Variants in RANBP2 observed in about 807,000 individuals in gnomAD.
RANBP2 encodes the protein E3 SUMO-protein ligase RanBP2.
RANBP2 carries 57 observed loss-of-function variants against 303.6 expected under a neutral mutation model. That is an observed-to-expected ratio of 0.19 (90% confidence interval 0.15 to 0.23). The LOEUF (loss-of-function observed/expected upper bound fraction) is 0.23, where lower values mean the gene tolerates loss of function less well. Ranked by LOEUF, RANBP2 falls within the 10% of genes least tolerant of loss-of-function variation. The pLI is 1.00. For missense variants in RANBP2, 3,138 were observed against 3,780.8 expected (o/e 0.83, Z 4.46); for synonymous variants, 1,167 against 1,301.5 (o/e 0.90, Z 2.23).
chr2:109,729,092 C>T, the RANBP2 span, among the ~76,000 whole-genome samples: 2 of 152,188 alleles, frequency 1.3e-5, no homozygotes, highest in African/African-American at 4.8e-5. Context: ...TAGCTGCTGA[C>T]ATTGCAAGAG....
chr2:109,445,711 C>T, the RANBP2 span, among the ~76,000 whole-genome samples: 1 of 151,782 alleles, frequency 6.6e-6, no homozygotes, highest in Non-Finnish European at 1.5e-5. Context: ...CTGGTGGGAC[C>T]CAGAGTCCTT....
chr2:109,704,688 A>G, the RANBP2 span, among the ~76,000 whole-genome samples: 1 of 151,924 alleles, frequency 6.6e-6, no homozygotes, highest in South Asian at 2.1e-4. Flanking sequence ...CGTCTCTACT[A>G]AAAAATACAA....
chr2:109,616,357 G>T, the RANBP2 span: 1 of 255,134 alleles, frequency 3.9e-6, no homozygotes, highest in Non-Finnish European at 7.8e-6. Context: ...CAGAATGAAT[G>T]AATTAATGAA....
the RANBP2 span, among the ~76,000 whole-genome samples, chr2:109,113,625 T>C: frequency 6.6e-6 from 1 of 152,366 alleles, no homozygotes; most frequent in East Asian, 1.9e-4. Context: ...ATACCCTTTA[T>C]TTCCTTCTCC....
the RANBP2 span, among the ~76,000 whole-genome samples, chr2:109,241,287 T>C: frequency 6.6e-6 from 1 of 151,306 alleles, no homozygotes; most frequent in Admixed American, 6.6e-5. Flanking sequence ...ACAAATTCAT[T>C]TGTAGTAATG....
the RANBP2 span, among the ~76,000 whole-genome samples, chr2:109,174,317 CAT>C: frequency 4.6e-5 from 7 of 152,218 alleles, no homozygotes; most frequent in African/African-American, 1.4e-4. Context: ...GAGGAACAGA[CAT>C]GTGGGGATGC....
At chr2:108,752,890 A>G in intron 12 of RANBP2, 108 bp from the exon 13 acceptor site, 1 of 1,600,146 alleles carries the variant, frequency 6.2e-7, no homozygotes, top group Non-Finnish European at 8.5e-7. Context: ...TTGAGATACC[A>G]TTTGGTTTTG....
chr2:108,794,524 GTTA>G, the RANBP2 span: 1 of 1,586,370 alleles, frequency 6.3e-7, no homozygotes, highest in Non-Finnish European at 8.6e-7. Flanking sequence ...TAATGCAAAT[GTTA>G]TTTTCTTTGC....
the RANBP2 span, among the ~76,000 whole-genome samples, chr2:108,962,443 G>A: frequency 6.6e-6 from 1 of 152,080 alleles, no homozygotes; most frequent in Admixed American, 6.6e-5. Context: ...GGAGGCCGAG[G>A]CTGGTGGATC....
the RANBP2 span, among the ~76,000 whole-genome samples, chr2:109,471,074 G>A: frequency 6.6e-6 from 1 of 151,982 alleles, no homozygotes; most frequent in Non-Finnish European, 1.5e-5. Flanking sequence ...ACAAAAATTA[G>A]TTGGGTGTGT....
the RANBP2 span, among the ~76,000 whole-genome samples, chr2:109,290,974 A>T: frequency 6.6e-6 from 1 of 152,242 alleles, no homozygotes; most frequent in African/African-American, 2.4e-5. Flanking sequence ...TGCCGGGTAC[A>T]TAGTAGGTGC....
At chr2:109,463,296 G>A in the RANBP2 span, among the ~76,000 whole-genome samples, 1 of 152,242 alleles carries the variant, frequency 6.6e-6, no homozygotes, top group African/African-American at 2.4e-5. Flanking sequence ...TGTGCTGTCT[G>A]TTTTGGTAAC....
chr2:109,228,941 A>G, the RANBP2 span, among the ~76,000 whole-genome samples: 816 of 151,928 alleles, frequency 5.4e-3, 11 homozygotes, highest in African/African-American at 0.019. Flanking sequence ...GGAGCTGAAA[A>G]CTCCAAGTTT....
the RANBP2 span, among the ~76,000 whole-genome samples, chr2:109,699,927 TTC>T: frequency 1.3e-5 from 2 of 152,202 alleles, no homozygotes. Flanking sequence ...TTTGTTTCTC[TTC>T]TCTCAGGATT....
chr2:108,805,841 T>C, the RANBP2 span, among the ~76,000 whole-genome samples: 6 of 152,170 alleles, frequency 3.9e-5, no homozygotes, highest in African/African-American at 1.4e-4. Flanking sequence ...GGCAGAAAGA[T>C]GTGAAAGTAA....
At chr2:109,412,092 G>T in the RANBP2 span, among the ~76,000 whole-genome samples, 1 of 152,232 alleles carries the variant, frequency 6.6e-6, no homozygotes, top group African/African-American at 2.4e-5. Context: ...GTTGCTTTAC[G>T]TTGGACTCAC....
At chr2:109,559,247 C>T in the RANBP2 span, among the ~76,000 whole-genome samples, 30 of 152,166 alleles carry the variant, frequency 2.0e-4, no homozygotes, top group Non-Finnish European at 3.4e-4. Flanking sequence ...CTATAATGAG[C>T]TACAAAAGCC....
At chr2:108,950,093 C>G in the RANBP2 span, among the ~76,000 whole-genome samples, 1 of 152,164 alleles carries the variant, frequency 6.6e-6, no homozygotes, top group East Asian at 1.9e-4. Context: ...GAGGGGCCTG[C>G]TGGCTGAAGA....
chr2:109,260,715 T>C, the RANBP2 span, among the ~76,000 whole-genome samples: 2 of 152,076 alleles, frequency 1.3e-5, no homozygotes, highest in Admixed American at 1.3e-4. Flanking sequence ...CTTGCAATCT[T>C]ATGGCCTGAT....
Sources: gnomAD v4.1 joint callset for allele counts (sites outside exome capture counted in the v4.1 genomes callset) on GRCh38, gnomAD v4.1.1 for gene constraint, MANE v1.5 for transcripts, NCBI Gene and HGNC (gene_info 2026-07-23, HGNC 2026-07-21) for gene names.